Variants in OPCML observed in about 807,000 individuals in gnomAD.
OPCML encodes opioid binding protein/cell adhesion molecule like, also known as opioid-binding protein/cell adhesion molecule.
OPCML carries 13 observed loss-of-function variants against 37.8 expected under a neutral mutation model. That is an observed-to-expected ratio of 0.34 (90% CI 0.22 to 0.55). OPCML has a LOEUF of 0.55. Ranked by LOEUF, OPCML falls within the 20% of genes least tolerant of loss-of-function variation. OPCML has a pLI of 0.91. For synonymous variants in OPCML, 176 were observed against 168.8 expected (o/e 1.04, Z -0.33); for missense variants, 341 against 435.6 (o/e 0.78, Z 1.93).
chr11:133,385,849 A>C (rs1355443524), intron 1 of OPCML, among the ~76,000 whole-genome samples: 1 of 152,218 alleles, frequency 6.6e-6, no homozygotes, highest in Non-Finnish European at 1.5e-5. Flanking sequence ...GATGGAGAAG[A>C]AGCTGGAGTA....
chr11:133,067,239 G>C (rs1338644298), intron 1 of OPCML: 1 of 152,138 alleles, frequency 6.6e-6, no homozygotes, highest in East Asian at 1.9e-4. Flanking sequence ...GAGGCTCTAG[G>C]AGATGAAGTC....
intron 2 of OPCML, among the ~76,000 whole-genome samples, chr11:132,822,269 TC>T (rs1175645816): frequency 4.0e-5 from 6 of 150,610 alleles, no homozygotes; most frequent in African/African-American, 1.5e-4. Context: ...CTCTCCCACC[TC>T]CCCCCACCGC....
chr11:132,535,001 T>TAC (rs1209504389), intron 3 of OPCML, among the ~76,000 whole-genome samples: 14 of 149,566 alleles, frequency 9.4e-5, no homozygotes, highest in South Asian at 2.1e-4. Flanking sequence ...CTTGGAGATA[T>TAC]ACACACACAC....
chr11:133,443,020 A>G (rs1464361832), intron 1 of OPCML, among the ~76,000 whole-genome samples: 1 of 152,212 alleles, frequency 6.6e-6, no homozygotes, highest in Non-Finnish European at 1.5e-5. Context: ...TATTTGTGAA[A>G]TGAAAACAAT....
At chr11:132,953,101 C>G (rs896557673) in intron 1 of OPCML, among the ~76,000 whole-genome samples, 2 of 152,152 alleles carry the variant, frequency 1.3e-5, no homozygotes, top group Non-Finnish European at 2.9e-5. Flanking sequence ...CTAGCCTACT[C>G]TTTTTCCTTC....
chr11:132,488,718 C>T lies in OPCML; in HGVS notation c.505+40343G>A, dbSNP rs545372606. The stretch of plus-strand genomic sequence containing the variant: ...TTACTCTAACAACTATTTTACTTTA[C>T]CAACATAATTTTTTTAACTTTTTGA... On this transcript the variant is annotated intron_variant, in intron 4 of 7. Transcript: ENST00000524381. Among the ~76,000 whole-genome samples, 16 of 152,260 alleles carry T rather than the reference C, an allele frequency of 1.1e-4. No individual in the cohort carries two copies. The South Asian group carries it at 3.1e-3, about 30-fold the overall frequency.
chr11:132,955,751 G>A (rs968214242), intron 1 of OPCML, among the ~76,000 whole-genome samples: 1 of 152,036 alleles, frequency 6.6e-6, no homozygotes, highest in African/African-American at 2.4e-5. Flanking sequence ...GAATGGTGGT[G>A]TGTGCCTGTA....
intron 4 of OPCML, among the ~76,000 whole-genome samples, chr11:132,479,634 CT>C (rs1260037242): frequency 6.6e-6 from 1 of 152,204 alleles, no homozygotes; most frequent in Non-Finnish European, 1.5e-5. Flanking sequence ...TGTCTGACAG[CT>C]TTGAAGAGAG....
intron 3 of OPCML, among the ~76,000 whole-genome samples, chr11:132,566,354 A>C (rs2137536030): frequency 6.6e-6 from 1 of 152,312 alleles, no homozygotes; most frequent in Non-Finnish European, 1.5e-5. Flanking sequence ...ATAGAGAAGG[A>C]AGACATCTGG....
chr11:133,470,460 C>A (rs912804623), intron 1 of OPCML, among the ~76,000 whole-genome samples: 1 of 152,220 alleles, frequency 6.6e-6, no homozygotes, highest in South Asian at 2.1e-4. Flanking sequence ...TCCCCCATCC[C>A]TGTGACAGAT....
At chr11:133,266,621 A>G (rs1371935861) in intron 1 of OPCML, among the ~76,000 whole-genome samples, 34 of 152,128 alleles carry the variant, frequency 2.2e-4, no homozygotes, top group Admixed American at 2.2e-3. Context: ...ATGTATTAGG[A>G]TCTCAATAAA....
At chr11:132,543,895 A>G (rs1024003544) in intron 3 of OPCML, among the ~76,000 whole-genome samples, 1 of 152,154 alleles carries the variant, frequency 6.6e-6, no homozygotes, top group Admixed American at 6.5e-5. Flanking sequence ...TCAAATCTTT[A>G]AAACCTTCCT....
intron 1 of OPCML, among the ~76,000 whole-genome samples, chr11:133,028,971 A>G (rs996021488): frequency 6.6e-6 from 1 of 152,210 alleles, no homozygotes; most frequent in African/African-American, 2.4e-5. Context: ...TGCACCTGAC[A>G]AAGAACTAAT....
chr11:133,439,942 A>T (rs923229872), intron 1 of OPCML, among the ~76,000 whole-genome samples: 2 of 152,238 alleles, frequency 1.3e-5, no homozygotes, highest in Non-Finnish European at 2.9e-5. Context: ...CCATTAATGT[A>T]ACTAGATATG....
chr11:133,408,056 G>C (rs761398291), intron 1 of OPCML, among the ~76,000 whole-genome samples: 1 of 152,060 alleles, frequency 6.6e-6, no homozygotes, highest in African/African-American at 2.4e-5. Context: ...CTTGAAAGCC[G>C]TGACTTTAAG....
chr11:132,938,881 A>G (rs1433848596), intron 2 of OPCML, among the ~76,000 whole-genome samples: 1 of 152,178 alleles, frequency 6.6e-6, no homozygotes. Context: ...GAAATACTGG[A>G]AAAGATGTTT....
At chr11:132,867,297 A>G (rs996995167) in intron 2 of OPCML, among the ~76,000 whole-genome samples, 2 of 152,190 alleles carry the variant, frequency 1.3e-5, no homozygotes, top group Non-Finnish European at 2.9e-5. Context: ...AAATGACAAG[A>G]TGTTTCCTCT....
At chr11:132,529,621 A>G (rs1302782372) in intron 3 of OPCML, among the ~76,000 whole-genome samples, 1 of 152,216 alleles carries the variant, frequency 6.6e-6, no homozygotes, top group Non-Finnish European at 1.5e-5. Context: ...AAATGCTGAT[A>G]ACGCTGAGTT....
intron 1 of OPCML, among the ~76,000 whole-genome samples, chr11:133,351,327 C>T (rs1370457441): frequency 6.6e-6 from 1 of 152,192 alleles, no homozygotes; most frequent in African/African-American, 2.4e-5. Flanking sequence ...TCCATTCCAA[C>T]ACAACTGCAG....
Sources: gnomAD v4.1 joint callset for allele counts (sites outside exome capture counted in the v4.1 genomes callset) on GRCh38, gnomAD v4.1.1 for gene constraint, MANE v1.5 for transcripts, NCBI Gene and HGNC (gene_info 2026-07-23, HGNC 2026-07-21) for gene names.